The following EYA4 variants were observed in gnomAD, a reference collection of about 807,000 sequenced individuals.
EYA4 encodes the protein EYA transcriptional coactivator and phosphatase 4, also known as protein phosphatase EYA4.
A neutral mutation model predicts 87.9 loss-of-function variants in EYA4; 31 were observed. The ratio of observed to expected loss-of-function variants is 0.35; its 90% CI spans 0.27 to 0.48. EYA4 has a LOEUF of 0.48. Ranked by LOEUF, EYA4 falls within the 20% of genes least tolerant of loss-of-function variation. The probability of loss-of-function intolerance (pLI) is 0.99; values close to 1 mark genes in which losing one functional copy is unlikely to be tolerated. For synonymous variants in EYA4, 263 were observed against 270.6 expected, an observed-to-expected ratio of 0.97 and a Z score of 0.28; for missense variants, 678 against 761.4, an observed-to-expected ratio of 0.89 and a Z score of 1.29.
chr6:133,516,800 G>A (rs2128794436), intron 17 of EYA4, among the ~76,000 whole-genome samples: 1 of 152,004 alleles, frequency 6.6e-6, no homozygotes, highest in East Asian at 1.9e-4. Flanking sequence ...AGTTTGTTAA[G>A]GATAATGGCC....
intron 5 of EYA4, among the ~76,000 whole-genome samples, chr6:133,455,569 G>A (rs1046839867): frequency 2.6e-5 from 4 of 152,070 alleles, no homozygotes; most frequent in Non-Finnish European, 5.9e-5. Flanking sequence ...TGATTGGTGG[G>A]TACCCTATGA....
chr6:133,331,068 T>G, intron 2 of EYA4, among the ~76,000 whole-genome samples: 3 of 139,634 alleles, frequency 2.1e-5, no homozygotes, highest in African/African-American at 2.8e-5. Context: ...CCAGAAGTAG[T>G]GTAATGATTA....
chr6:133,477,702 C>G (rs1443906918), intron 11 of EYA4, among the ~76,000 whole-genome samples: 1 of 151,900 alleles, frequency 6.6e-6, no homozygotes, highest in Non-Finnish European at 1.5e-5. Context: ...AGTGTTGCAT[C>G]ATACAAGCTA....
intron 2 of EYA4, among the ~76,000 whole-genome samples, chr6:133,355,610 CT>C (rs1424051635): frequency 6.6e-6 from 1 of 152,140 alleles, no homozygotes; most frequent in Non-Finnish European, 1.5e-5. Context: ...ATGAACCATA[CT>C]CTTAAGCTTA....
At chr6:133,519,119 TAGC>T (rs1374860868) in intron 17 of EYA4, among the ~76,000 whole-genome samples, 1 of 151,434 alleles carries the variant, frequency 6.6e-6, no homozygotes, top group Non-Finnish European at 1.5e-5. Flanking sequence ...ATTCAAAAGC[TAGC>T]AGAAGGCAAG....
chr6:133,336,247 A>G (rs763943004), intron 2 of EYA4, among the ~76,000 whole-genome samples: 2 of 152,182 alleles, frequency 1.3e-5, no homozygotes, highest in Non-Finnish European at 2.9e-5. Flanking sequence ...ACTGTTTACT[A>G]ATAAGAGAGG....
chr6:133,412,144 A>T (rs1476226670), intron 3 of EYA4, among the ~76,000 whole-genome samples: 1 of 152,222 alleles, frequency 6.6e-6, no homozygotes, highest in Non-Finnish European at 1.5e-5. Context: ...TAATGCAGCA[A>T]ATTTACTAAT....
chr6:133,273,441 C>A (rs1776903930), intron 1 of EYA4, among the ~76,000 whole-genome samples: 1 of 152,146 alleles, frequency 6.6e-6, no homozygotes, highest in South Asian at 2.1e-4. Context: ...CAGACATACC[C>A]AGGATCAATA....
At chr6:133,264,974 A>T (rs1198169565) in intron 1 of EYA4, among the ~76,000 whole-genome samples, 1 of 151,480 alleles carries the variant, frequency 6.6e-6, no homozygotes, top group African/African-American at 2.4e-5. Context: ...AACTTCTCAA[A>T]CCTCCTTCAG....
At chr6:133,250,859 G>A (rs1271628637) in intron 1 of EYA4, among the ~76,000 whole-genome samples, 1 of 152,086 alleles carries the variant, frequency 6.6e-6, no homozygotes, top group Non-Finnish European at 1.5e-5. Context: ...CTTGATATGA[G>A]TATCAGTTGT....
chr6:133,383,872 C>T (rs78635644), intron 3 of EYA4, among the ~76,000 whole-genome samples: 3 of 152,176 alleles, frequency 2.0e-5, no homozygotes, highest in Admixed American at 6.5e-5. Flanking sequence ...CTAGGATGTG[C>T]GAACAGAAGG....
intron 2 of EYA4, among the ~76,000 whole-genome samples, chr6:133,299,955 C>CTATATATATATA (rs1016744513): frequency 1.5e-4 from 16 of 106,234 alleles, no homozygotes; most frequent in African/African-American, 5.4e-4. Context: ...ATCTATCTAT[C>CTATATATATATA]TATATATATA....
chr6:133,407,141 C>T (rs1788774283), intron 3 of EYA4, among the ~76,000 whole-genome samples: 1 of 151,744 alleles, frequency 6.6e-6, no homozygotes, highest in Admixed American at 6.6e-5. Context: ...TCTAATTAAA[C>T]TCCTTACATT....
chr6:133,507,568 C>A lies in EYA4; in HGVS notation c.1281+1373C>A, dbSNP rs141460116. On this transcript the variant is annotated intron_variant, in intron 14 of 19. Coordinates refer to ENST00000355286, the MANE Select transcript of EYA4 (RefSeq NM_004100.5). ...AGGCCCCAGTGTGTGGTGTTCCCCT[C>A]CCTGTGTCCATGTGTTCTCATTATT... is the stretch of plus-strand genomic sequence containing the variant. Among the ~76,000 whole-genome samples the A allele has an allele frequency of 6.6e-5, 10 of 152,174 alleles. No homozygotes were observed. The East Asian group carries it at 1.9e-3, about 30-fold the overall frequency.
intron 2 of EYA4, among the ~76,000 whole-genome samples, chr6:133,336,667 T>C (rs1038153164): frequency 6.6e-5 from 10 of 152,200 alleles, no homozygotes; most frequent in Non-Finnish European, 1.2e-4. Flanking sequence ...GATTTTATGG[T>C]ATTGTTAATT....
intron 2 of EYA4, among the ~76,000 whole-genome samples, chr6:133,304,904 A>G (rs1293592769): frequency 6.6e-6 from 1 of 152,174 alleles, no homozygotes; most frequent in Non-Finnish European, 1.5e-5. Context: ...GATAGATAAG[A>G]AATAATATCA....
rs1258919910 is a variant in EYA4 at position 133,525,786 on chromosome 6, G to A, written c.1839+532G>A. 12 of 442,862 alleles carry A rather than the reference G, an allele frequency of 2.7e-5. No individual in the cohort carries two copies. In the Admixed American group the frequency reaches 7.7e-4, roughly 28 times the overall value. The allele number at this position is 442,862 out of a possible 1,614,324, so 27.4% of individuals were successfully genotyped here. A position where few individuals can be genotyped will look rare whatever the true frequency, so the allele number is the denominator to read the frequency against. Reference sequence around the variant, plus strand: ...GGAAGTAGGCATGCTCCATGATAAGGAATGCTGAGGGCAGATTTAATAGCT... The same window carrying A: ...GGAAGTAGGCATGCTCCATGATAAGAAATGCTGAGGGCAGATTTAATAGCT... On this transcript the variant is annotated intron_variant, in intron 19 of 19. Coordinates refer to ENST00000355286, the MANE Select transcript of EYA4 (RefSeq NM_004100.5).
chr6:133,346,836 C>T (rs1330353693), intron 2 of EYA4, among the ~76,000 whole-genome samples: 2 of 152,158 alleles, frequency 1.3e-5, no homozygotes, highest in Admixed American at 6.5e-5. Flanking sequence ...AGAGTGTGAA[C>T]TTTCCATATG....
chr6:133,384,320 T>A (rs1014779096), intron 3 of EYA4, among the ~76,000 whole-genome samples: 2 of 152,166 alleles, frequency 1.3e-5, no homozygotes, highest in African/African-American at 4.8e-5. Flanking sequence ...AAAAAATAGT[T>A]TTTTTGAAGA....
Sources: allele counts gnomAD v4.1 joint callset (sites outside exome capture counted in the v4.1 genomes callset), GRCh38; gene constraint gnomAD v4.1.1; transcripts MANE v1.5; gene names NCBI Gene and HGNC (gene_info 2026-07-23, HGNC 2026-07-21).